The following PCDH15 variants were observed in gnomAD, a reference collection of about 807,000 sequenced individuals.
PCDH15 encodes protocadherin-15.
In PCDH15, 129 loss-of-function variants were observed where a neutral mutation model predicts 178.5. The ratio of observed to expected loss-of-function variants is 0.72; its 90% CI spans 0.63 to 0.84. The LOEUF is 0.84. Ranked by LOEUF, PCDH15 falls within the 40% of genes least tolerant of loss-of-function variation. The pLI is 0.00. For missense variants in PCDH15, 2,230 were observed against 2,099.9 expected, an observed-to-expected ratio of 1.06 and a Z score of -1.21; for synonymous variants, 800 against 732.0, an observed-to-expected ratio of 1.09 and a Z score of -1.50.
chr10:55,411,248 G>T (rs1185707858), intron 2 of PCDH15, among the ~76,000 whole-genome samples: 1 of 151,954 alleles, frequency 6.6e-6, no homozygotes, highest in African/African-American at 2.4e-5. Flanking sequence ...TGTGCCCAGT[G>T]CTGCTAGAAT....
intron 2 of PCDH15, chr10:54,607,071 A>T (rs970613465): frequency 6.6e-6 from 1 of 152,150 alleles, no homozygotes; most frequent in African/African-American, 2.4e-5. Context: ...ATTTATTAAC[A>T]TAAGTAATAA....
intron 11 of PCDH15, among the ~76,000 whole-genome samples, chr10:54,190,778 A>ATCTT (rs2048919909): frequency 6.6e-6 from 1 of 152,212 alleles, no homozygotes. Context: ...TCTTTTCATA[A>ATCTT]TACAGATCTT....
intron 15 of PCDH15, among the ~76,000 whole-genome samples, chr10:54,105,303 T>C (rs1379089311): frequency 2.0e-5 from 2 of 101,962 alleles, no homozygotes; most frequent in Non-Finnish European, 4.1e-5. Flanking sequence ...TATATATATA[T>C]ATATATATAT....
chr10:55,119,974 T>G (rs1262178961), intron 2 of PCDH15, among the ~76,000 whole-genome samples: 6 of 151,990 alleles, frequency 3.9e-5, no homozygotes, highest in Non-Finnish European at 2.9e-5. Flanking sequence ...TAACTTGTCT[T>G]AAATGTTTTT....
intron 14 of PCDH15, among the ~76,000 whole-genome samples, chr10:54,144,084 TG>T (rs36061653): frequency 0.64 from 96,696 of 151,710 alleles, 32,297 homozygotes; most frequent in East Asian, 0.9. Flanking sequence ...TGTTGGAAGT[TG>T]GGGGGCTGAA....
chr10:53,903,117 G>T, intron 26 of PCDH15, 126 bp downstream of exon 26: 1 of 1,042,112 alleles, frequency 9.6e-7, no homozygotes, highest in Non-Finnish European at 1.4e-6. Flanking sequence ...AACTAATATA[G>T]CTCCAAGTTT....
intron 6 of PCDH15, among the ~76,000 whole-genome samples, chr10:54,333,977 C>G (rs1180996890): frequency 3.3e-5 from 5 of 152,178 alleles, no homozygotes; most frequent in Non-Finnish European, 7.3e-5. Flanking sequence ...CCTTACATTT[C>G]TAAAGCCAGG....
At chr10:53,937,717 C>G (rs568883218) in intron 25 of PCDH15, among the ~76,000 whole-genome samples, 17 of 152,128 alleles carry the variant, frequency 1.1e-4, no homozygotes, top group Non-Finnish European at 2.5e-4. Flanking sequence ...TTTTTATGAT[C>G]AACTGCCAAA....
chr10:54,134,530 G>A (rs2042723754), intron 14 of PCDH15, among the ~76,000 whole-genome samples: 1 of 151,776 alleles, frequency 6.6e-6, no homozygotes, highest in African/African-American at 2.4e-5. Context: ...GAGGCAGGTG[G>A]ATCATGCGGT....
intron 2 of PCDH15, among the ~76,000 whole-genome samples, chr10:55,038,952 T>C (rs1025549071): frequency 2.6e-5 from 4 of 152,148 alleles, no homozygotes; most frequent in African/African-American, 9.7e-5. Flanking sequence ...TTAACCACTA[T>C]ATAGTCGTCT....
intron 1 of PCDH15, among the ~76,000 whole-genome samples, chr10:55,305,035 A>G (rs1245276830): frequency 6.6e-6 from 1 of 152,228 alleles, no homozygotes; most frequent in Non-Finnish European, 1.5e-5. Flanking sequence ...CAGAAGAAGT[A>G]ACGCTATCTG....
chr10:55,407,491 C>T (rs1273738471), intron 2 of PCDH15, among the ~76,000 whole-genome samples: 1 of 152,142 alleles, frequency 6.6e-6, no homozygotes, highest in Non-Finnish European at 1.5e-5. Context: ...TATCGTCTAA[C>T]TTCTTTCATC....
intron 21 of PCDH15, among the ~76,000 whole-genome samples, chr10:53,967,971 T>C (rs1216820504): frequency 6.6e-6 from 1 of 152,092 alleles, no homozygotes; most frequent in African/African-American, 2.4e-5. Context: ...GACAGGTGAT[T>C]TCTGCATTTC....
At position 53,875,444 on chromosome 10, in the gene PCDH15, G is replaced by A. The variant is rs1001372665; in HGVS notation, c.3502-8587C>T. 2.0e-5 allele frequency among the ~76,000 whole-genome samples: 3 copies of A among 151,966 alleles called. No individual in the cohort carries two copies. The East Asian group carries it at 5.8e-4, about 29-fold the overall frequency. ...ATTAAAACTGACTCACTGTGGAAAC[G>A]CTAAATGAATACAATTTACTAAAGA... On this transcript the variant is annotated intron_variant, in intron 26 of 37. Coordinates refer to ENST00000644397, the MANE Select transcript of PCDH15 (RefSeq NM_001384140.1).
In PCDH15 at chr10:55,148,866, A is replaced by T. The variant is rs192906620; in HGVS notation, c.-80+17710T>A. Among the ~76,000 whole-genome samples the T allele has an allele frequency of 3.1e-4, 46 of 148,940 alleles. No individual in the cohort carries two copies. The South Asian group carries it at 5.2e-3, about 17-fold the overall frequency. On this transcript the variant is annotated intron_variant, in intron 2 of 5. Coordinates refer to the PCDH15 transcript ENST00000458638. ...TATTATATAAATATATATTATATAT[A>T]ATGGGTTTTCAGCAAGATTTCTTGA...
At chr10:55,336,217 G>T (rs915720988) in intron 2 of PCDH15, among the ~76,000 whole-genome samples, 5 of 150,236 alleles carry the variant, frequency 3.3e-5, no homozygotes, top group African/African-American at 1.2e-4. Context: ...ACAATTCTCT[G>T]GGCCGGGCGC....
chr10:54,846,315 T>A (rs1156245429), intron 3 of PCDH15, among the ~76,000 whole-genome samples: 3 of 152,156 alleles, frequency 2.0e-5, no homozygotes, highest in Admixed American at 1.3e-4. Context: ...ATTTTTTAGG[T>A]CAACTATTAA....
chr10:54,047,520 A>G (rs1411210315), intron 18 of PCDH15, among the ~76,000 whole-genome samples: 1 of 151,980 alleles, frequency 6.6e-6, no homozygotes, highest in African/African-American at 2.4e-5. Context: ...TGTAGTGAGC[A>G]TAGTACCCAA....
intron 2 of PCDH15, among the ~76,000 whole-genome samples, chr10:55,496,759 A>G (rs1434408422): frequency 6.6e-6 from 1 of 151,908 alleles, no homozygotes; most frequent in Non-Finnish European, 1.5e-5. Context: ...TAATCATACA[A>G]TGGAAAACTG....
Sources: allele counts gnomAD v4.1 joint callset (sites outside exome capture counted in the v4.1 genomes callset), GRCh38; gene constraint gnomAD v4.1.1; transcripts MANE v1.5; gene names NCBI Gene and HGNC (gene_info 2026-07-23, HGNC 2026-07-21).